Variants in CYLD observed in about 807,000 individuals in gnomAD.
The protein encoded by CYLD is CYLD lysine 63 deubiquitinase, also known as ubiquitin carboxyl-terminal hydrolase CYLD.
In CYLD, 26 loss-of-function variants were observed where a neutral mutation model predicts 104.5. The ratio of observed to expected loss-of-function variants is 0.25; its 90% CI spans 0.18 to 0.35. The LOEUF (loss-of-function observed/expected upper bound fraction) is 0.35. Among genes scored for constraint, CYLD ranks in the 10% least tolerant of loss-of-function variants. CYLD has a pLI of 1.00. For synonymous variants in CYLD, 385 were observed against 399.9 expected (o/e 0.96, Z 0.45); for missense variants, 703 against 1,136.1 (o/e 0.62, Z 5.48).
chr16:50,792,181 T>C (rs185111122), intron 15 of CYLD, among the ~76,000 whole-genome samples: 66 of 152,366 alleles, frequency 4.3e-4, no homozygotes, highest in Admixed American at 1.8e-3. Flanking sequence ...ATTGTATTCA[T>C]TTCTGAAGTC....
At chr16:50,752,638 A>G (rs1351269950) in intron 4 of CYLD, among the ~76,000 whole-genome samples, 1 of 152,128 alleles carries the variant, frequency 6.6e-6, no homozygotes, top group Non-Finnish European at 1.5e-5. Flanking sequence ...ATCATCCCAA[A>G]CCGAAACTCT....
intron 5 of CYLD, 99 bp downstream of exon 5, chr16:50,754,523 G>A (rs1966843277): frequency 3.7e-6 from 3 of 804,968 alleles, no homozygotes; most frequent in Non-Finnish European, 6.1e-6. Context: ...GTGGTGTTTG[G>A]TTACATGGAT....
rs766109485 is a variant in CYLD at position 50,791,627 on chromosome 16, C to T, written c.2178C>T (p.Gly726=). Residue 726 remains glycine (G), a synonymous_variant, in exon 15 of 19, where the codon GGC becomes GGT. Transcript: ENST00000427738. ...QIFMEKNEKV[G]VPTIQQLLEW... ...TTATGGAAAAAAATGAGAAAGTTGG[C>T]GTTCCCACAATTCAGCAGTTGTTAG... is the stretch of plus-strand genomic sequence containing the variant. 3.2e-5 allele frequency: 52 copies of T among 1,613,726 alleles called. No homozygotes were observed. The highest frequency in any genetic ancestry group is 3.0e-4 in the South Asian group (27 of 91,066).
At chr16:50,764,930 A>G (rs951268982) in intron 5 of CYLD, among the ~76,000 whole-genome samples, 11 of 152,228 alleles carry the variant, frequency 7.2e-5, no homozygotes, top group African/African-American at 2.7e-4. Context: ...TGCTCATTTT[A>G]TAATGTTAAC....
chr16:50,779,459 C>T (rs1466877182), intron 8 of CYLD, among the ~76,000 whole-genome samples: 1 of 151,908 alleles, frequency 6.6e-6, no homozygotes, highest in Non-Finnish European at 1.5e-5. Context: ...CAGTTGGGTG[C>T]CATTGACTGA....
intron 5 of CYLD, among the ~76,000 whole-genome samples, chr16:50,770,912 G>A (rs774025345): frequency 1.6e-4 from 24 of 152,094 alleles, no homozygotes; most frequent in Non-Finnish European, 2.9e-4. Context: ...CCAATGTGTA[G>A]CTTGTCTTTT....
chr16:50,749,508 T>C (rs1054940244), intron 2 of CYLD, 68 bp from the exon 3 acceptor site: 1 of 612,156 alleles, frequency 1.6e-6, no homozygotes, highest in Non-Finnish European at 2.9e-6. Flanking sequence ...TTTTCAGTCA[T>C]GTAGAATGAA....
chr16:50,747,966 T>C (rs994855019), intron 2 of CYLD, among the ~76,000 whole-genome samples: 1 of 152,248 alleles, frequency 6.6e-6, no homozygotes, highest in East Asian at 1.9e-4. Flanking sequence ...GTTACCATTA[T>C]GGAATACTTC....
chr16:50,782,529 TGTGTGTGTGTGTGC>T, intron 11 of CYLD, 63 bp downstream of exon 11: 1 of 1,469,818 alleles, frequency 6.8e-7, no homozygotes, highest in Non-Finnish European at 9.5e-7. Context: ...CATACCGGTG[TGTGTGTGTGTGTGC>T]GTGTGAGTGT....
rs1191626218 is a variant in CYLD, at chr16:50,799,587, C to T, written c.*3079C>T. 1.7e-5 allele frequency: 4 copies of T among 233,454 alleles called. No homozygotes were observed. In the East Asian group the frequency reaches 2.4e-4, roughly 14 times the overall value. 14.5% of individuals were successfully genotyped at this position (233,454 alleles called of 1,614,324 possible). A position where few individuals can be genotyped will look rare whatever the true frequency, so the allele number is the denominator to read the frequency against. Reference sequence around the variant, plus strand: ...TTGCCAAATGCTGTAGATAAATGGCCAGATTCTTCCTATCCCTAGGATTCC... The same window carrying T: ...TTGCCAAATGCTGTAGATAAATGGCTAGATTCTTCCTATCCCTAGGATTCC... On this transcript the variant is annotated 3_prime_UTR_variant, in exon 19 of 19. Coordinates refer to ENST00000427738, the MANE Select transcript of CYLD (RefSeq NM_001378743.1).
At chr16:50,768,733 A>G (rs1968793701) in intron 5 of CYLD, among the ~76,000 whole-genome samples, 1 of 152,166 alleles carries the variant, frequency 6.6e-6, no homozygotes, top group Non-Finnish European at 1.5e-5. Context: ...CGGTTTTTCT[A>G]GTTCAACCTG....
intron 9 of CYLD, among the ~76,000 whole-genome samples, chr16:50,781,022 A>C (rs1174572140): frequency 6.6e-6 from 1 of 152,150 alleles, no homozygotes; most frequent in Non-Finnish European, 1.5e-5. Context: ...AAGGAAATAC[A>C]AGAAGGACTT....
chr16:50,798,414 T>G lies in CYLD; in HGVS notation c.*1906T>G, dbSNP rs1478496827. On this transcript the variant is annotated 3_prime_UTR_variant, in exon 19 of 19. Transcript: ENST00000427738. Reference sequence around the variant, plus strand: ...AAGAACTCTTTATGTAGCATTTACATTTATTAGGTATTATAAGTAATCTAG... The same window carrying G: ...AAGAACTCTTTATGTAGCATTTACAGTTATTAGGTATTATAAGTAATCTAG... 4.3e-6 allele frequency: 1 copy of G among 231,914 alleles called. No homozygotes were observed. The highest frequency in any genetic ancestry group is 8.5e-6 in the Non-Finnish European group (1 of 117,304). 14.4% of individuals were successfully genotyped at this position (231,914 alleles called of 1,614,324 possible).
chr16:50,791,722 G>A (rs188729038), intron 15 of CYLD, 32 bp downstream of exon 15: 1 of 1,611,810 alleles, frequency 6.2e-7, no homozygotes, highest in African/African-American at 1.3e-5. Flanking sequence ...TATTTTATGT[G>A]AAAGTCTGTG....
At position 50,796,549 on chromosome 16, in the gene CYLD, C is replaced by A; in HGVS notation, c.*41C>A. ...AAGGCAAAGAAACTGAAGGCAGAGT[C>A]CTAACGTTGCATCTTATTCGAGCTG... On this transcript the variant is annotated 3_prime_UTR_variant, in exon 19 of 19. Coordinates refer to ENST00000427738, the MANE Select transcript of CYLD (RefSeq NM_001378743.1). 1 of 1,591,718 alleles carries A rather than the reference C, an allele frequency of 6.3e-7. No homozygotes were observed. Among genetic ancestry groups the A allele is most frequent in the Non-Finnish European group, 8.6e-7 (1 of 1,165,826 alleles).
intron 5 of CYLD, among the ~76,000 whole-genome samples, chr16:50,755,378 T>C (rs1967099368): frequency 6.6e-6 from 1 of 152,142 alleles, no homozygotes; most frequent in Admixed American, 6.6e-5. Context: ...TCACTTTTTT[T>C]CCTTGGGTAG....
intron 2 of CYLD, among the ~76,000 whole-genome samples, chr16:50,745,501 C>T: frequency 6.6e-6 from 1 of 151,392 alleles, no homozygotes; most frequent in East Asian, 1.9e-4. Flanking sequence ...TAGCTGGGAC[C>T]CTGAGTAGCT....
intron 4 of CYLD, 133 bp downstream of exon 4, chr16:50,752,039 A>T: frequency 3.6e-6 from 1 of 280,150 alleles, no homozygotes; most frequent in Non-Finnish European, 5.9e-6. Flanking sequence ...ATATATATGT[A>T]TTAGTTTTAG....
At chr16:50,783,179 G>A (rs1005744734) in intron 11 of CYLD, among the ~76,000 whole-genome samples, 8 of 151,930 alleles carry the variant, frequency 5.3e-5, no homozygotes, top group Non-Finnish European at 1.2e-4. Flanking sequence ...TGATCTACCC[G>A]CCTTGGCCTC....
Sources: gnomAD v4.1 joint callset for allele counts (sites outside exome capture counted in the v4.1 genomes callset) on GRCh38, gnomAD v4.1.1 for gene constraint, MANE v1.5 for transcripts, NCBI Gene and HGNC (gene_info 2026-07-23, HGNC 2026-07-21) for gene names.